Variants in ZNF618 observed in about 807,000 individuals in gnomAD.
ZNF618 encodes the protein zinc finger protein 618.
ZNF618 carries 34 observed loss-of-function variants against 103.0 expected under a neutral mutation model. The ratio of observed to expected loss-of-function variants is 0.33; its 90% CI spans 0.25 to 0.44. The LOEUF (loss-of-function observed/expected upper bound fraction) is 0.44. Ranked by LOEUF, ZNF618 falls within the 20% of genes least tolerant of loss-of-function variation. ZNF618 has a pLI of 1.00. For synonymous variants in ZNF618, 551 were observed against 542.2 expected (o/e 1.02, Z -0.23); for missense variants, 1,059 against 1,295.4 (o/e 0.82, Z 2.80).
intron 1 of ZNF618, among the ~76,000 whole-genome samples, chr9:113,963,932 C>T (rs1283402124): frequency 2.0e-5 from 3 of 152,112 alleles, no homozygotes; most frequent in Non-Finnish European, 4.4e-5. Context: ...TTGATGTCTG[C>T]GTGTCAGCAG....
chr9:114,034,383 C>A (rs1158114353), intron 12 of ZNF618, among the ~76,000 whole-genome samples: 7 of 152,168 alleles, frequency 4.6e-5, no homozygotes. Flanking sequence ...CCCATGCGTC[C>A]CCTGCCCCCA....
intron 4 of ZNF618, among the ~76,000 whole-genome samples, chr9:114,000,569 A>T (rs1260977664): frequency 2.9e-5 from 4 of 138,930 alleles, no homozygotes; most frequent in Non-Finnish European, 6.5e-5. Context: ...GACCCAGGAA[A>T]ACCAAAAGGT....
At chr9:113,965,435 G>C (rs1837307033) in intron 1 of ZNF618, among the ~76,000 whole-genome samples, 1 of 152,136 alleles carries the variant, frequency 6.6e-6, no homozygotes, top group African/African-American at 2.4e-5. Context: ...CCCAGGTCCT[G>C]AGGGGAAACT....
At chr9:114,039,092 G>A (rs574515692) in intron 13 of ZNF618, among the ~76,000 whole-genome samples, 7 of 152,244 alleles carry the variant, frequency 4.6e-5, no homozygotes, top group East Asian at 1.9e-4. Flanking sequence ...TCCAGTTCTC[G>A]CAGTGAACTC....
intron 1 of ZNF618, among the ~76,000 whole-genome samples, chr9:113,948,944 A>T (rs115407027): frequency 0.011 from 1,668 of 152,338 alleles, 43 homozygotes; most frequent in African/African-American, 0.038. Flanking sequence ...GTTTGCTATG[A>T]GATCATCTGT....
At chr9:114,038,103 G>A (rs188042372) in intron 13 of ZNF618, among the ~76,000 whole-genome samples, 1 of 152,288 alleles carries the variant, frequency 6.6e-6, no homozygotes, top group Non-Finnish European at 1.5e-5. Context: ...CAGGATCCTC[G>A]GGCTAGGGAC....
intron 3 of ZNF618, among the ~76,000 whole-genome samples, chr9:113,988,830 C>T (rs1486524349): frequency 6.6e-6 from 1 of 152,212 alleles, no homozygotes; most frequent in African/African-American, 2.4e-5. Flanking sequence ...CTGTTTAAGT[C>T]AAATGCCTGG....
At chr9:113,965,066 T>C (rs1564227862) in intron 1 of ZNF618, among the ~76,000 whole-genome samples, 1 of 151,838 alleles carries the variant, frequency 6.6e-6, no homozygotes, top group Non-Finnish European at 1.5e-5. Flanking sequence ...GAATTTTTAA[T>C]TTCAGCTGTT....
intron 1 of ZNF618, among the ~76,000 whole-genome samples, chr9:113,953,677 A>C (rs963483303): frequency 6.6e-6 from 1 of 152,206 alleles, no homozygotes; most frequent in African/African-American, 2.4e-5. Context: ...AAACAAATGT[A>C]TGTGGGGGAT....
intron 1 of ZNF618, among the ~76,000 whole-genome samples, chr9:113,968,417 G>C (rs1480271665): frequency 6.6e-6 from 1 of 152,132 alleles, no homozygotes; most frequent in East Asian, 1.9e-4. Context: ...TTCAGCTGGC[G>C]GTAGTGAAGA....
At chr9:113,970,403 A>G (rs1184205953) in intron 2 of ZNF618, among the ~76,000 whole-genome samples, 1 of 152,194 alleles carries the variant, frequency 6.6e-6, no homozygotes, top group Non-Finnish European at 1.5e-5. Flanking sequence ...AATAGAGGCC[A>G]TTATACCAGG....
intron 1 of ZNF618, among the ~76,000 whole-genome samples, chr9:113,966,377 G>C (rs1423187886): frequency 6.6e-6 from 1 of 152,162 alleles, no homozygotes; most frequent in Non-Finnish European, 1.5e-5. Flanking sequence ...TTAAGCTTCG[G>C]TTCAAATTGA....
At chr9:113,995,600 T>G (rs1840500062) in intron 3 of ZNF618, among the ~76,000 whole-genome samples, 1 of 152,194 alleles carries the variant, frequency 6.6e-6, no homozygotes, top group African/African-American at 2.4e-5. Context: ...TGTCACTCAA[T>G]TCTTTGAATT....
At chr9:114,041,694 G>A (rs1330572076) in intron 13 of ZNF618, among the ~76,000 whole-genome samples, 2 of 152,198 alleles carry the variant, frequency 1.3e-5, no homozygotes, top group East Asian at 3.8e-4. Context: ...CTATATCTCT[G>A]TTTTGGTGCC....
At chr9:114,008,652 C>T (rs1483576240) in intron 9 of ZNF618, 98 bp downstream of exon 9, 12 of 1,383,426 alleles carry the variant, frequency 8.7e-6, no homozygotes, top group Non-Finnish European at 1.2e-5. Context: ...CAGTGGGTGG[C>T]ATCACTTAAC....
At chr9:113,908,230 A>G (rs1019523294) in intron 1 of ZNF618, among the ~76,000 whole-genome samples, 1 of 152,074 alleles carries the variant, frequency 6.6e-6, no homozygotes, top group East Asian at 1.9e-4. Flanking sequence ...TTATAGAGAA[A>G]AACATCATCT....
intron 2 of ZNF618, among the ~76,000 whole-genome samples, chr9:113,979,157 G>A (rs1031091418): frequency 6.6e-5 from 10 of 152,160 alleles, no homozygotes; most frequent in African/African-American, 2.4e-4. Flanking sequence ...GGGCAGATTT[G>A]GAGTTCTAAC....
At chr9:113,929,722 G>A (rs1833406627) in intron 1 of ZNF618, among the ~76,000 whole-genome samples, 1 of 152,140 alleles carries the variant, frequency 6.6e-6, no homozygotes, top group Admixed American at 6.5e-5. Context: ...TGGGGATAAG[G>A]CCAAAGCTCT....
rs1298434856 is a variant in ZNF618, at chr9:114,056,383, G to T, written c.*6216G>T. On this transcript the variant is annotated 3_prime_UTR_variant, in exon 15 of 15. Coordinates refer to ENST00000374126, the MANE Select transcript of ZNF618 (RefSeq NM_001318042.2). Reference sequence around the variant, plus strand: ...AAAAGTGGAACATTCCCAGGGAGAAGAGGAAGGTTCCACTCGGTTCTTTAA... The same window carrying T: ...AAAAGTGGAACATTCCCAGGGAGAATAGGAAGGTTCCACTCGGTTCTTTAA... 2.0e-5 allele frequency: 3 copies of T among 152,216 alleles called. No individual in the cohort carries two copies. Among genetic ancestry groups the T allele is most frequent in the Admixed American group, 2.0e-4 (3 of 15,288 alleles). The allele number at this position is 152,216 out of a possible 1,614,324, so 9.4% of individuals were successfully genotyped here.
Sources: gnomAD v4.1 joint callset for allele counts (sites outside exome capture counted in the v4.1 genomes callset) on GRCh38, gnomAD v4.1.1 for gene constraint, MANE v1.5 for transcripts, NCBI Gene and HGNC (gene_info 2026-07-23, HGNC 2026-07-21) for gene names.